Variants in FMN1 observed in about 807,000 individuals in gnomAD.
The protein encoded by FMN1 is formin-1.
In FMN1, 110 loss-of-function variants were observed where a neutral mutation model predicts 132.4. That is an observed-to-expected ratio of 0.83 (90% CI 0.71 to 0.97). FMN1 has a LOEUF of 0.97. Ranked by LOEUF, FMN1 falls within the 50% of genes least tolerant of loss-of-function variation. The pLI is 0.00. For missense variants in FMN1, 1,792 were observed against 1,705.3 expected (o/e 1.05, Z -0.90); for synonymous variants, 722 against 651.7 (o/e 1.11, Z -1.64).
At chr15:32,931,954 G>A (rs2061129224) in intron 9 of FMN1, among the ~76,000 whole-genome samples, 1 of 151,950 alleles carries the variant, frequency 6.6e-6, no homozygotes, top group South Asian at 2.1e-4. Flanking sequence ...TTTTTCAAAT[G>A]CTTTTTCTGC....
chr15:32,781,291 T>C (rs2056655342), intron 19 of FMN1, among the ~76,000 whole-genome samples: 1 of 152,244 alleles, frequency 6.6e-6, no homozygotes, highest in Admixed American at 6.5e-5. Flanking sequence ...ATTAATCACA[T>C]ACTTGTTGGC....
chr15:32,889,052 A>C (rs551523520), intron 15 of FMN1, among the ~76,000 whole-genome samples: 1 of 152,166 alleles, frequency 6.6e-6, no homozygotes, highest in Admixed American at 6.5e-5. Flanking sequence ...CGGGGGTCTC[A>C]CCATGTTGCC....
intron 15 of FMN1, among the ~76,000 whole-genome samples, chr15:32,896,527 A>G (rs1031150028): frequency 1.3e-5 from 2 of 152,144 alleles, no homozygotes; most frequent in Non-Finnish European, 2.9e-5. Context: ...ACAGATCTCT[A>G]GAACTTCTTC....
intron 6 of FMN1, among the ~76,000 whole-genome samples, chr15:33,055,153 G>T (rs2037159461): frequency 6.6e-6 from 1 of 152,126 alleles, no homozygotes; most frequent in Non-Finnish European, 1.5e-5. Flanking sequence ...TCTCTCTGAA[G>T]CCTGCTATCT....
intron 17 of FMN1, among the ~76,000 whole-genome samples, chr15:32,850,086 A>T (rs1262804024): frequency 4.6e-5 from 7 of 152,226 alleles, no homozygotes; most frequent in Admixed American, 4.6e-4. Flanking sequence ...TTTCTTGAGT[A>T]GCAGTGGAGT....
chr15:33,128,807 C>T (rs1194681343), intron 4 of FMN1, among the ~76,000 whole-genome samples: 1 of 152,220 alleles, frequency 6.6e-6, no homozygotes, highest in Admixed American at 6.5e-5. Flanking sequence ...GATTTACTGT[C>T]ACGAGCAAAA....
chr15:33,018,332 G>A (rs761518912), intron 6 of FMN1, among the ~76,000 whole-genome samples: 12 of 152,016 alleles, frequency 7.9e-5, no homozygotes, highest in Non-Finnish European at 1.2e-4. Context: ...GCTTCAGGAT[G>A]GGGGCAGGAC....
intron 5 of FMN1, among the ~76,000 whole-genome samples, chr15:33,081,094 T>G (rs1474331149): frequency 6.6e-6 from 1 of 152,118 alleles, no homozygotes; most frequent in Non-Finnish European, 1.5e-5. Context: ...CGGAGGGTAC[T>G]CCACGGCAAA....
intron 12 of FMN1, among the ~76,000 whole-genome samples, chr15:32,903,133 T>C (rs562072505): frequency 6.1e-4 from 93 of 152,332 alleles, no homozygotes; most frequent in African/African-American, 2.2e-3. Context: ...CATCAATTGA[T>C]TTCGTATTTA....
Position 33,154,795 on chromosome 15 carries a change from T to A in FMN1, c.120A>T (p.Leu40=). The A allele has an allele frequency of 6.5e-7, 1 of 1,536,174 alleles. No individual in the cohort carries two copies. The highest frequency in any genetic ancestry group is 8.7e-7 in the Non-Finnish European group (1 of 1,146,918). The change falls in exon 4 of 21, where the codon CTA becomes CTT. Residue 40 remains leucine (L), a synonymous_variant. Coordinates refer to ENST00000616417, the MANE Select transcript of FMN1 (RefSeq NM_001277313.2). ...RGFSYKGTVT[L]DRSNKGFHNC... ...TATGAAAACCTTTATTGGATCTGTCTAGAGTTACAGTGCCCTTGTATGAAA... is the reference window on the plus strand; with the variant it reads ...TATGAAAACCTTTATTGGATCTGTCAAGAGTTACAGTGCCCTTGTATGAAA...
chr15:33,074,011 A>C (rs1352221711), intron 5 of FMN1, among the ~76,000 whole-genome samples: 2 of 152,146 alleles, frequency 1.3e-5, no homozygotes, highest in Non-Finnish European at 2.9e-5. Context: ...GGCTACAGGC[A>C]TGAGCCACTG....
At chr15:33,030,897 C>A (rs745975434) in intron 6 of FMN1, among the ~76,000 whole-genome samples, 1 of 152,032 alleles carries the variant, frequency 6.6e-6, no homozygotes, top group East Asian at 1.9e-4. Flanking sequence ...TAGGTATACA[C>A]GTGCCATGGT....
At chr15:32,978,376 A>G (rs2032382085) in intron 7 of FMN1, among the ~76,000 whole-genome samples, 1 of 152,218 alleles carries the variant, frequency 6.6e-6, no homozygotes, top group Non-Finnish European at 1.5e-5. Context: ...GAACTTCAGT[A>G]ATATTTTATT....
At chr15:33,122,976 A>AT (rs1352357242) in intron 4 of FMN1, among the ~76,000 whole-genome samples, 4 of 152,064 alleles carry the variant, frequency 2.6e-5, no homozygotes, top group Non-Finnish European at 4.4e-5. Flanking sequence ...CTGCTAGGTA[A>AT]TTAATGTCAC....
intron 6 of FMN1, among the ~76,000 whole-genome samples, chr15:33,048,644 A>AAAAAAAAAAAAAAAACAAAAACAAAAAC: frequency 8.1e-5 from 7 of 86,914 alleles, no homozygotes; most frequent in Admixed American, 3.2e-4. Context: ...AAAAAAAAAA[A>AAAAAAAAAAAAAAAACAAAAACAAAAAC]AAAAACCAAC....
intron 17 of FMN1, among the ~76,000 whole-genome samples, chr15:32,819,784 A>C (rs1005299502): frequency 6.6e-6 from 1 of 152,220 alleles, no homozygotes; most frequent in African/African-American, 2.4e-5. Flanking sequence ...TTGACGAGGA[A>C]AAATGACTCA....
intron 16 of FMN1, among the ~76,000 whole-genome samples, chr15:32,863,480 A>G (rs1194919091): frequency 2.0e-5 from 3 of 152,168 alleles, no homozygotes; most frequent in African/African-American, 7.2e-5. Context: ...CATCAATTCA[A>G]CACATGTCTA....
Position 33,154,085 on chromosome 15 carries a change from C to A in FMN1, c.830G>T (p.Gly277Val), listed in dbSNP as rs1224615558. 2.0e-6 allele frequency: 3 copies of A among 1,536,154 alleles called. No individual in the cohort carries two copies. Among genetic ancestry groups the A allele is most frequent in the African/African-American group, 2.7e-5 (2 of 73,128 alleles). ...LPPDCSSTEA[G>V]GDGIRRPPSG... ...CGGCGGCCTCCGAATGCCATCCCCT[C>A]CTGCCTCTGTGGAGCTGCAGTCAGG... is the stretch of plus-strand genomic sequence containing the variant. The change falls in exon 4 of 21, where the codon GGA becomes GTA. Residue 277 changes from glycine to valine, a missense_variant. Gly to Val is a moderately radical substitution (Grantham distance 109). Coordinates refer to ENST00000616417, the MANE Select transcript of FMN1 (RefSeq NM_001277313.2).
chr15:33,012,148 C>A, intron 6 of FMN1: 2 of 507,228 alleles, frequency 3.9e-6, no homozygotes, highest in Middle Eastern at 5.7e-4. Context: ...CCTCAAAGGG[C>A]CTGAACAGCT....
Sources: gnomAD v4.1 joint callset for allele counts (sites outside exome capture counted in the v4.1 genomes callset) on GRCh38, gnomAD v4.1.1 for gene constraint, MANE v1.5 for transcripts, NCBI Gene and HGNC (gene_info 2026-07-23, HGNC 2026-07-21) for gene names.